Variants in RAPGEF2 observed in about 807,000 individuals in gnomAD.
RAPGEF2 encodes PDZ domain containing guanine nucleotide exchange factor (GEF) 1.
In RAPGEF2, 54 loss-of-function variants were observed where a neutral mutation model predicts 186.7. The observed-to-expected ratio is 0.29, with a 90% CI of 0.23 to 0.36. RAPGEF2 has a LOEUF of 0.36. Ranked by LOEUF, RAPGEF2 falls within the 10% of genes least tolerant of loss-of-function variation. The probability of loss-of-function intolerance (pLI) is 1.00; values close to 1 mark genes in which losing one functional copy is unlikely to be tolerated. For synonymous variants in RAPGEF2, 712 were observed against 705.9 expected, an observed-to-expected ratio of 1.01 and a Z score of -0.14; for missense variants, 1,532 against 2,045.0, an observed-to-expected ratio of 0.75 and a Z score of 4.84.
At chr4:159,352,529 C>A in intron 26 of RAPGEF2, 156 bp from the exon 27 acceptor site, 1 of 603,012 alleles carries the variant, frequency 1.7e-6, no homozygotes, top group South Asian at 2.2e-5. Context: ...AAACATTTGT[C>A]TCTTAGTCAT....
At chr4:159,287,390 C>T (rs142768312) in intron 7 of RAPGEF2, among the ~76,000 whole-genome samples, 14 of 151,872 alleles carry the variant, frequency 9.2e-5, no homozygotes, top group African/African-American at 1.5e-4. Flanking sequence ...TTAGATGATA[C>T]GGAATTTTAG....
intron 4 of RAPGEF2, among the ~76,000 whole-genome samples, chr4:159,231,051 T>C (rs1752579941): frequency 2.0e-5 from 3 of 152,182 alleles, no homozygotes; most frequent in Admixed American, 2.0e-4. Flanking sequence ...GGACCACATA[T>C]ACAGTGGTCA....
intron 1 of RAPGEF2, among the ~76,000 whole-genome samples, chr4:159,173,035 A>G (rs936658406): frequency 6.6e-6 from 1 of 152,190 alleles, no homozygotes; most frequent in East Asian, 1.9e-4. Flanking sequence ...TTTTCTGACC[A>G]ATAGTGGAAG....
intron 7 of RAPGEF2, among the ~76,000 whole-genome samples, chr4:159,285,798 CATT>C (rs943342719): frequency 1.3e-5 from 2 of 152,232 alleles, no homozygotes; most frequent in African/African-American, 4.8e-5. Context: ...CCCTCATCAT[CATT>C]GTCATCTTGA....
chr4:159,257,961 G>A (rs12503790), intron 7 of RAPGEF2, among the ~76,000 whole-genome samples: 51,103 of 151,934 alleles, frequency 0.34, 9,140 homozygotes, highest in Non-Finnish European at 0.4. Context: ...AGTCTTAGGG[G>A]TCAGTTGTAG....
At chr4:159,319,970 C>A (rs1765044431) in intron 9 of RAPGEF2, among the ~76,000 whole-genome samples, 1 of 152,154 alleles carries the variant, frequency 6.6e-6, no homozygotes, top group African/African-American at 2.4e-5. Context: ...TATTTGACTT[C>A]TATTATTGTC....
chr4:159,158,782 C>T (rs915698772), intron 1 of RAPGEF2, among the ~76,000 whole-genome samples: 1 of 152,088 alleles, frequency 6.6e-6, no homozygotes, highest in Non-Finnish European at 1.5e-5. Context: ...ATTTTACTAG[C>T]GTTATTTGCC....
At chr4:159,323,955 G>A (rs2111164231) in intron 11 of RAPGEF2, among the ~76,000 whole-genome samples, 1 of 151,608 alleles carries the variant, frequency 6.6e-6, no homozygotes, top group Middle Eastern at 3.4e-3. Flanking sequence ...GGAGTGCAGT[G>A]GCGCGATCTC....
intron 7 of RAPGEF2, among the ~76,000 whole-genome samples, chr4:159,260,910 G>A (rs1177783332): frequency 4.6e-5 from 7 of 152,094 alleles, no homozygotes; most frequent in Admixed American, 1.3e-4. Flanking sequence ...CACCATGCCC[G>A]GCTAATTTTT....
intron 1 of RAPGEF2, among the ~76,000 whole-genome samples, chr4:159,144,600 C>T (rs1742704560): frequency 6.6e-6 from 1 of 151,368 alleles, no homozygotes; most frequent in Non-Finnish European, 1.5e-5. Context: ...GTCATTCGTT[C>T]TCATCACATG....
chr4:159,165,077 T>C (rs1017132986), intron 1 of RAPGEF2, among the ~76,000 whole-genome samples: 1 of 152,144 alleles, frequency 6.6e-6, no homozygotes, highest in African/African-American at 2.4e-5. Flanking sequence ...TTTTCTTTTT[T>C]GGGGAAGGGG....
At chr4:159,220,222 A>G (rs1751402514) in intron 4 of RAPGEF2, among the ~76,000 whole-genome samples, 1 of 152,194 alleles carries the variant, frequency 6.6e-6, no homozygotes, top group South Asian at 2.1e-4. Context: ...GGACTTGTAA[A>G]GTCAAGAGGG....
chr4:159,190,464 A>G (rs1469387062), intron 2 of RAPGEF2, among the ~76,000 whole-genome samples: 1 of 152,212 alleles, frequency 6.6e-6, no homozygotes, highest in Admixed American at 6.5e-5. Flanking sequence ...TATTTTGGAA[A>G]CAGGTGATGG....
At chr4:159,340,040 A>T (rs1434728023) in intron 19 of RAPGEF2, among the ~76,000 whole-genome samples, 1 of 152,196 alleles carries the variant, frequency 6.6e-6, no homozygotes, top group East Asian at 1.9e-4. Context: ...TTTATCTTCA[A>T]GTCACAATAA....
intron 4 of RAPGEF2, among the ~76,000 whole-genome samples, chr4:159,233,239 A>G (rs902392415): frequency 1.3e-5 from 2 of 152,162 alleles, no homozygotes; most frequent in Non-Finnish European, 2.9e-5. Context: ...GCCAACTCCA[A>G]GGTCATGAGG....
chr4:159,293,983 C>G (rs1561225978), intron 7 of RAPGEF2, among the ~76,000 whole-genome samples: 1 of 152,142 alleles, frequency 6.6e-6, no homozygotes, highest in South Asian at 2.1e-4. Flanking sequence ...ACTTACGTAA[C>G]CGGAAGGGAC....
At chr4:159,104,595 C>T (rs540989113) in intron 1 of RAPGEF2, among the ~76,000 whole-genome samples, 1 of 150,722 alleles carries the variant, frequency 6.6e-6, no homozygotes, top group East Asian at 2.0e-4. Context: ...TGTGAATTCT[C>T]TAGCTTTCCC....
intron 8 of RAPGEF2, 110 bp downstream of exon 8, chr4:159,304,583 G>T (rs1448861358): frequency 1.0e-6 from 1 of 953,472 alleles, no homozygotes; most frequent in Non-Finnish European, 1.5e-6. Context: ...TATTACATGT[G>T]CATGTAAGTA....
chr4:159,197,698 CTT>C (rs1748800493), intron 3 of RAPGEF2, among the ~76,000 whole-genome samples: 1 of 152,208 alleles, frequency 6.6e-6, no homozygotes, highest in South Asian at 2.1e-4. Context: ...TTTTAGCAGT[CTT>C]TGCAGTTGCT....
Sources: gnomAD v4.1 joint callset for allele counts (sites outside exome capture counted in the v4.1 genomes callset) on GRCh38, gnomAD v4.1.1 for gene constraint, MANE v1.5 for transcripts, NCBI Gene and HGNC (gene_info 2026-07-23, HGNC 2026-07-21) for gene names.